The following MARK1 variants were observed in gnomAD, a reference collection of about 807,000 sequenced individuals.
The protein encoded by MARK1 is microtubule affinity regulating kinase 1.
MARK1 carries 40 observed loss-of-function variants against 96.3 expected under a neutral mutation model. That is an observed-to-expected ratio of 0.42 (90% CI 0.32 to 0.54). The LOEUF is 0.54. MARK1 is among the 20% of genes least tolerant of loss of function. MARK1 has a pLI of 0.16. For synonymous variants in MARK1, 317 were observed against 341.2 expected (o/e 0.93, Z 0.78); for missense variants, 719 against 984.6 (o/e 0.73, Z 3.61).
chr1:220,633,651 G>C lies in MARK1; in HGVS notation c.1122+1338G>C, dbSNP rs184839393. Reference sequence around the variant, plus strand: ...TATAGGTGGACATGTACCTACAACAGGCTAAGGTCAGACCCACCAAGGCAG... The same window carrying C: ...TATAGGTGGACATGTACCTACAACACGCTAAGGTCAGACCCACCAAGGCAG... On this transcript the variant is annotated intron_variant, in intron 11 of 17. Coordinates refer to ENST00000366917, the MANE Select transcript of MARK1 (RefSeq NM_018650.5). 5.3e-5 allele frequency among the ~76,000 whole-genome samples: 8 copies of C among 152,302 alleles called. No homozygotes were observed. The East Asian group carries it at 1.5e-3, about 29-fold the overall frequency.
rs73105463 is a variant in MARK1, at chr1:220,621,259, C to T, written c.909+2504C>T. The stretch of plus-strand genomic sequence containing the variant: ...ATTTAACTATTCCCTGCTTATTGCA[C>T]ATCTGAGTTGTTTCCATTGTTTTTG... On this transcript the variant is annotated intron_variant, in intron 9 of 17. Transcript: ENST00000366917. Among the ~76,000 whole-genome samples the T allele has an allele frequency of 3.7e-3, 562 of 152,166 alleles. 6 individuals carry two copies. The highest frequency in any genetic ancestry group is 0.013 in the African/African-American group (530 of 41,550).
chr1:220,546,437 G>A (rs1010409657), intron 1 of MARK1, among the ~76,000 whole-genome samples: 3 of 152,174 alleles, frequency 2.0e-5, no homozygotes, highest in African/African-American at 7.2e-5. Flanking sequence ...AGAATAGGAT[G>A]ATAAAAAGGG....
intron 17 of MARK1, among the ~76,000 whole-genome samples, chr1:220,659,486 C>CT (rs1273498870): frequency 6.6e-6 from 1 of 152,178 alleles, no homozygotes; most frequent in African/African-American, 2.4e-5. Context: ...TTTCCTCACT[C>CT]TAACTGCCTC....
intron 1 of MARK1, chr1:220,571,754 C>T (rs945314799): frequency 2.0e-5 from 3 of 152,168 alleles, no homozygotes; most frequent in Admixed American, 6.6e-5. Context: ...CAGGGTCTCA[C>T]TATGTTGCCC....
intron 16 of MARK1, among the ~76,000 whole-genome samples, chr1:220,657,543 G>T (rs1669238871): frequency 6.6e-6 from 1 of 151,436 alleles, no homozygotes; most frequent in Non-Finnish European, 1.5e-5. Context: ...GGAAGATTAT[G>T]AAAAAAAAAT....
chr1:220,635,147 G>A (rs181901932), intron 11 of MARK1, among the ~76,000 whole-genome samples: 2 of 152,048 alleles, frequency 1.3e-5, no homozygotes, highest in Non-Finnish European at 2.9e-5. Context: ...CTAAGGATTT[G>A]TACAAGATAA....
intron 6 of MARK1, 147 bp downstream of exon 6, chr1:220,604,284 A>C (rs575525803): frequency 1.1e-4 from 53 of 473,842 alleles, no homozygotes; most frequent in Middle Eastern, 8.9e-4. Flanking sequence ...AAACTCCTAA[A>C]AAATAAACCT....
At chr1:220,656,623 TTTTA>T (rs1468966379) in intron 16 of MARK1, among the ~76,000 whole-genome samples, 1 of 152,172 alleles carries the variant, frequency 6.6e-6, no homozygotes, top group East Asian at 1.9e-4. Context: ...CTCAAAAATG[TTTTA>T]TTTATTTCAA....
At chr1:220,556,828 G>C (rs1019757764) in intron 1 of MARK1, among the ~76,000 whole-genome samples, 2 of 152,114 alleles carry the variant, frequency 1.3e-5, no homozygotes, top group African/African-American at 4.8e-5. Context: ...TTGATGGACT[G>C]GTATAGATCT....
At chr1:220,572,949 G>A (rs1663575629) in intron 1 of MARK1, among the ~76,000 whole-genome samples, 1 of 152,110 alleles carries the variant, frequency 6.6e-6, no homozygotes, top group South Asian at 2.1e-4. Flanking sequence ...TTTTTCTATA[G>A]CACTTTAAAA....
intron 1 of MARK1, among the ~76,000 whole-genome samples, chr1:220,554,028 A>C (rs1051879860): frequency 2.0e-5 from 3 of 152,182 alleles, no homozygotes; most frequent in African/African-American, 7.2e-5. Flanking sequence ...ACTGACATAC[A>C]TGGTACCCTT....
At chr1:220,631,331 T>G (rs1362750019) in intron 10 of MARK1, among the ~76,000 whole-genome samples, 197 bp downstream of exon 10, 1 of 152,238 alleles carries the variant, frequency 6.6e-6, no homozygotes, top group African/African-American at 2.4e-5. Context: ...TATTATGGTC[T>G]AATTCAATGT....
In MARK1 at chr1:220,563,253, T is replaced by C. The variant is rs540120406; in HGVS notation, c.52-16101T>C. Among the ~76,000 whole-genome samples the C allele has an allele frequency of 1.6e-4, 25 of 152,138 alleles. 1 individual carries two copies. The highest frequency in any genetic ancestry group is 1.6e-3 in the Admixed American group (24 of 15,294). On this transcript the variant is annotated intron_variant, in intron 1 of 17. Coordinates refer to ENST00000366917, the MANE Select transcript of MARK1 (RefSeq NM_018650.5). ...TCGTAAATACAACCTGCAAAGACAATGAGGAAATTTATAAATAATTTTCCT... is the reference window on the plus strand; with the variant it reads ...TCGTAAATACAACCTGCAAAGACAACGAGGAAATTTATAAATAATTTTCCT...
At chr1:220,553,580 A>G (rs755801965) in intron 1 of MARK1, among the ~76,000 whole-genome samples, 1 of 152,176 alleles carries the variant, frequency 6.6e-6, no homozygotes, top group African/African-American at 2.4e-5. Context: ...ATTTGCATTT[A>G]TAGTGGAATG....
At chr1:220,603,875 G>A (rs1665905250) in intron 5 of MARK1, among the ~76,000 whole-genome samples, 192 bp from the exon 6 acceptor site, 1 of 152,060 alleles carries the variant, frequency 6.6e-6, no homozygotes, top group African/African-American at 2.4e-5. Flanking sequence ...ATCACAAACT[G>A]CTACAGATAC....
rs562448710 is a variant in MARK1, at chr1:220,548,515, G to A, written c.51+19642G>A. 5.3e-5 allele frequency among the ~76,000 whole-genome samples: 8 copies of A among 152,250 alleles called. 1 individual carries two copies. The South Asian group carries it at 8.3e-4, about 16-fold the overall frequency. On this transcript the variant is annotated intron_variant, in intron 1 of 17. Coordinates refer to ENST00000366917, the MANE Select transcript of MARK1 (RefSeq NM_018650.5). The stretch of plus-strand genomic sequence containing the variant: ...AGCACTTCGGGAGGCTGAGACTGGC[G>A]GATCACATGAGGTCAGGGGTTTGAG...
intron 1 of MARK1, among the ~76,000 whole-genome samples, chr1:220,545,448 T>G (rs1001730046): frequency 1.4e-5 from 2 of 146,478 alleles, no homozygotes; most frequent in Non-Finnish European, 3.0e-5. Context: ...GGTTTTTTTT[T>G]TTTTTTTTTT....
Position 220,635,416 on chromosome 1 carries a change from A to G in MARK1, c.1163A>G (p.Gln388Arg), listed in dbSNP as rs1558313400. 2 of 1,611,078 alleles carry G rather than the reference A, an allele frequency of 1.2e-6. No individual in the cohort carries two copies. Among genetic ancestry groups the G allele is most frequent in the African/African-American group, 1.3e-5 (1 of 74,358 alleles). ...GESLSSGNLC[Q>R]RSRPSSDLNN... is the part of the protein sequence containing the mutation. The stretch of plus-strand genomic sequence containing the variant: ...TCGTTATCCAGTGGAAACTTGTGTC[A>G]GAGGTCCCGGCCCAGTAGTGACTTA... Residue 388 changes from glutamine (Q) to arginine (R), a missense_variant, in exon 12 of 18, where the codon CAG (glutamine) becomes CGG (arginine). Gln to Arg is a conservative substitution (Grantham distance 43). Transcript: ENST00000366917.
At chr1:220,661,086 A>G (rs768770357) in intron 17 of MARK1, among the ~76,000 whole-genome samples, 1 of 152,240 alleles carries the variant, frequency 6.6e-6, no homozygotes, top group Non-Finnish European at 1.5e-5. Flanking sequence ...CAGAGGGAAC[A>G]GTCTGTGCAA....
Sources: gnomAD v4.1 joint callset for allele counts (sites outside exome capture counted in the v4.1 genomes callset) on GRCh38, gnomAD v4.1.1 for gene constraint, MANE v1.5 for transcripts, NCBI Gene and HGNC (gene_info 2026-07-23, HGNC 2026-07-21) for gene names.